Variants in PARD3B observed in about 807,000 individuals in gnomAD.
PARD3B encodes the protein partitioning defective 3 homolog B.
In PARD3B, 103 loss-of-function variants were observed where a neutral mutation model predicts 130.2. That is an observed-to-expected ratio of 0.79 (90% CI 0.67 to 0.93). The LOEUF (loss-of-function observed/expected upper bound fraction) is 0.93. Ranked by LOEUF, PARD3B falls within the 40% of genes least tolerant of loss-of-function variation. The pLI is 0.00. For missense variants in PARD3B, 1,609 were observed against 1,499.2 expected, an observed-to-expected ratio of 1.07 and a Z score of -1.21; for synonymous variants, 583 against 553.2, an observed-to-expected ratio of 1.05 and a Z score of -0.76.
chr2:204,717,694 TA>T (rs1386560772), intron 2 of PARD3B, among the ~76,000 whole-genome samples: 2 of 152,068 alleles, frequency 1.3e-5, no homozygotes, highest in Non-Finnish European at 2.9e-5. Flanking sequence ...GGTGGCTGGG[TA>T]GTCACAGAGC....
chr2:205,442,977 G>A (rs1399637913), intron 20 of PARD3B, among the ~76,000 whole-genome samples: 1 of 152,248 alleles, frequency 6.6e-6, no homozygotes, highest in African/African-American at 2.4e-5. Flanking sequence ...TTGGATAGCA[G>A]ATCAAAATGT....
At chr2:205,222,179 T>TA (rs11352078) in intron 15 of PARD3B, among the ~76,000 whole-genome samples, 50 of 147,512 alleles carry the variant, frequency 3.4e-4, no homozygotes, top group South Asian at 8.6e-4. Context: ...CCTTCCAATA[T>TA]AAAAAAAAAA....
chr2:205,420,752 G>A (rs1396999231), intron 19 of PARD3B, among the ~76,000 whole-genome samples: 1 of 152,080 alleles, frequency 6.6e-6, no homozygotes, highest in Non-Finnish European at 1.5e-5. Context: ...GCCTCTTCTG[G>A]GATACTTCCC....
At position 204,606,407 on chromosome 2, in the gene PARD3B, A is replaced by G. The variant is rs1050544014; in HGVS notation, c.120+60288A>G. Among the ~76,000 whole-genome samples the G allele has an allele frequency of 6.6e-6, 1 of 152,156 alleles. No homozygotes were observed. Among genetic ancestry groups the G allele is most frequent in the Admixed American group, 6.6e-5 (1 of 15,264 alleles). On this transcript the variant is annotated intron_variant, in intron 1 of 22. Transcript: ENST00000406610. The surrounding 1 kb of genome is among the most constrained non-coding windows in gnomAD (Gnocchi z 4.0). ...GTCAATAAGGGGATCTGTTGACTGT[A>G]TCAGTCAGGGTCCCTGGCTGATGAA...
chr2:204,776,716 T>A (rs899493184), intron 2 of PARD3B, among the ~76,000 whole-genome samples: 1 of 151,822 alleles, frequency 6.6e-6, no homozygotes, highest in Non-Finnish European at 1.5e-5. Context: ...TTGCCTGGGG[T>A]CTGGTAGGAA....
chr2:204,576,847 A>G (rs2032284909), intron 1 of PARD3B, among the ~76,000 whole-genome samples: 1 of 152,188 alleles, frequency 6.6e-6, no homozygotes, highest in South Asian at 2.1e-4. Context: ...ATGGATCATA[A>G]CAACAATATG....
chr2:205,368,550 T>C (rs536591005), intron 18 of PARD3B, among the ~76,000 whole-genome samples: 2 of 152,158 alleles, frequency 1.3e-5, no homozygotes, highest in East Asian at 3.9e-4. Flanking sequence ...GAGAATTGCT[T>C]GAACCCAGGA....
At chr2:205,417,193 C>G (rs1289234159) in intron 19 of PARD3B, among the ~76,000 whole-genome samples, 1 of 150,884 alleles carries the variant, frequency 6.6e-6, no homozygotes, top group Non-Finnish European at 1.5e-5. Context: ...GGTTTTCTGT[C>G]CTTGTGATAG....
chr2:204,823,409 T>G (rs12614659), intron 2 of PARD3B, among the ~76,000 whole-genome samples: 2 of 151,674 alleles, frequency 1.3e-5, no homozygotes, highest in African/African-American at 4.8e-5. Flanking sequence ...AAAAAATGAG[T>G]GTCATTTATG....
At chr2:205,365,976 A>T (rs1483367370) in intron 18 of PARD3B, among the ~76,000 whole-genome samples, 2 of 152,178 alleles carry the variant, frequency 1.3e-5, no homozygotes, top group Non-Finnish European at 2.9e-5. Flanking sequence ...GTCAGCTCTT[A>T]TACCCTGTTG....
intron 22 of PARD3B, among the ~76,000 whole-genome samples, chr2:205,605,702 T>C (rs2054967365): frequency 6.6e-6 from 1 of 152,186 alleles, no homozygotes; most frequent in Non-Finnish European, 1.5e-5. Context: ...GAACCTCTGT[T>C]GGAGGGTCTC....
intron 21 of PARD3B, among the ~76,000 whole-genome samples, chr2:205,539,723 A>C (rs558675295): frequency 6.6e-6 from 1 of 152,288 alleles, no homozygotes; most frequent in East Asian, 1.9e-4. Flanking sequence ...AGATCACTGA[A>C]CACAGTTCTC....
intron 1 of PARD3B, among the ~76,000 whole-genome samples, chr2:204,617,465 C>T (rs774608588): frequency 8.5e-5 from 13 of 152,130 alleles, no homozygotes; most frequent in Non-Finnish European, 1.3e-4. Flanking sequence ...GATGGACAGA[C>T]CCAATTTGCA....
chr2:205,457,233 G>C (rs979534353), intron 20 of PARD3B, among the ~76,000 whole-genome samples: 1 of 151,868 alleles, frequency 6.6e-6, no homozygotes, highest in African/African-American at 2.4e-5. Flanking sequence ...TTTTCTAGGA[G>C]TTGGTCCATT....
chr2:204,570,686 A>G (rs2031943752), intron 1 of PARD3B, among the ~76,000 whole-genome samples: 1 of 152,232 alleles, frequency 6.6e-6, no homozygotes, highest in South Asian at 2.1e-4. Context: ...AGTGAAGTTC[A>G]AACAGGTAAG....
chr2:204,719,184 T>C, intron 2 of PARD3B, among the ~76,000 whole-genome samples: 1 of 152,228 alleles, frequency 6.6e-6, no homozygotes, highest in East Asian at 1.9e-4. Flanking sequence ...AACAAAACTT[T>C]TCGAAAGCAC....
chr2:205,159,203 A>G (rs1559496343), intron 11 of PARD3B, among the ~76,000 whole-genome samples: 1 of 152,208 alleles, frequency 6.6e-6, no homozygotes, highest in Non-Finnish European at 1.5e-5. Context: ...AACTGACAAG[A>G]GTTGAGCCTA....
intron 2 of PARD3B, among the ~76,000 whole-genome samples, chr2:204,757,766 T>A (rs2040741582): frequency 6.6e-6 from 1 of 152,148 alleles, no homozygotes; most frequent in Non-Finnish European, 1.5e-5. Context: ...GTATGCTGAG[T>A]GCTTTTGAAG....
intron 2 of PARD3B, among the ~76,000 whole-genome samples, chr2:204,833,995 A>T (rs1397088291): frequency 6.6e-6 from 1 of 151,936 alleles, no homozygotes; most frequent in Non-Finnish European, 1.5e-5. Flanking sequence ...CAGCCCAACA[A>T]ACTCCCATGG....
Sources: gnomAD v4.1 joint callset for allele counts (sites outside exome capture counted in the v4.1 genomes callset) on GRCh38, gnomAD v4.1.1 for gene constraint, Gnocchi (gnomAD v3.1) non-coding constraint, MANE v1.5 for transcripts, NCBI Gene and HGNC (gene_info 2026-07-23, HGNC 2026-07-21) for gene names.